Variants in CCDC3 observed in about 807,000 individuals in gnomAD.
The protein encoded by CCDC3 is coiled-coil domain containing 3.
Under a neutral mutation model 21.4 loss-of-function variants are expected in CCDC3, and 24 were observed. The observed-to-expected ratio is 1.12, with a 90% CI of 0.81 to 1.58. The LOEUF is 1.58. Ranked by LOEUF, CCDC3 falls within the 40% of genes most tolerant of loss-of-function variation. The pLI is 0.00. For missense variants in CCDC3, 425 were observed against 360.9 expected (o/e 1.18, Z -1.44); for synonymous variants, 186 against 166.0 (o/e 1.12, Z -0.93).
At chr10:12,985,458 A>G (rs1401912520) in intron 2 of CCDC3, among the ~76,000 whole-genome samples, 3 of 152,234 alleles carry the variant, frequency 2.0e-5, no homozygotes, top group African/African-American at 7.2e-5. Context: ...ACTTATGCCT[A>G]CACAACACTC....
intron 2 of CCDC3, among the ~76,000 whole-genome samples, chr10:12,929,962 T>C (rs565754805): frequency 6.6e-6 from 1 of 152,070 alleles, no homozygotes; most frequent in African/African-American, 2.4e-5. Context: ...TAGAAAAAAA[T>C]TTCTGTTTTT....
At chr10:13,057,815 A>G in intron 4 of CCDC3, 2 of 291,090 alleles carry the variant, frequency 6.9e-6, no homozygotes, top group Non-Finnish European at 6.5e-6. Flanking sequence ...AGGGAGGCGG[A>G]GGTTGCAGTG....
chr10:12,981,702 T>C (rs1835499899), intron 2 of CCDC3, among the ~76,000 whole-genome samples: 1 of 152,200 alleles, frequency 6.6e-6, no homozygotes, highest in South Asian at 2.1e-4. Flanking sequence ...ATCTATGAAG[T>C]AGTCCATGGC....
chr10:13,069,809 T>C (rs754607771), intron 4 of CCDC3, among the ~76,000 whole-genome samples: 29 of 152,256 alleles, frequency 1.9e-4, no homozygotes, highest in Non-Finnish European at 3.4e-4. Flanking sequence ...TATTAAGTTA[T>C]TGTAAACCAC....
chr10:13,080,824 C>T (rs987904928), intron 3 of CCDC3, among the ~76,000 whole-genome samples: 1 of 152,256 alleles, frequency 6.6e-6, no homozygotes, highest in African/African-American at 2.4e-5. Context: ...GACAGCACAG[C>T]CCAGCCCAAG....
chr10:12,924,937 G>A (rs935741997), intron 2 of CCDC3, among the ~76,000 whole-genome samples: 1 of 152,236 alleles, frequency 6.6e-6, no homozygotes, highest in East Asian at 1.9e-4. Flanking sequence ...TTTCTATGGA[G>A]ACTTGCAGCT....
chr10:12,915,356 C>G (rs1458903335), intron 2 of CCDC3, among the ~76,000 whole-genome samples: 2 of 152,068 alleles, frequency 1.3e-5, no homozygotes, highest in Non-Finnish European at 1.5e-5. Flanking sequence ...CATTAAATGT[C>G]TTGTTTGGGT....
Position 12,994,425 on chromosome 10 carries a change from ACACCCAG to A in CCDC3, c.549+3906_549+3912del, listed in dbSNP as rs200207241. 4.6e-3 allele frequency among the ~76,000 whole-genome samples: 692 copies of A among 151,498 alleles called. 8 individuals are homozygous for A. Among genetic ancestry groups the A allele is most frequent in the African/African-American group, 0.015 (633 of 41,122 alleles). ...AAACAAAACAAAACAAAAAAAAAAA[ACACCCAG>A]CACCCAGCACCCAGCACCTAGAAAG... is the stretch of plus-strand genomic sequence containing the variant. On this transcript the variant is annotated intron_variant, in intron 2 of 2. Transcript: ENST00000378825.
At chr10:12,971,906 C>A (rs1446271204) in intron 2 of CCDC3, among the ~76,000 whole-genome samples, 1 of 152,082 alleles carries the variant, frequency 6.6e-6, no homozygotes, top group Non-Finnish European at 1.5e-5. Flanking sequence ...CCAGGCTGGT[C>A]TCAAACTCCT....
At chr10:12,990,903 C>T (rs1444581541) in intron 2 of CCDC3, among the ~76,000 whole-genome samples, 2 of 152,170 alleles carry the variant, frequency 1.3e-5, no homozygotes, top group Admixed American at 6.5e-5. Context: ...TCAGATTCTA[C>T]ATTATAGCAC....
intron 2 of CCDC3, among the ~76,000 whole-genome samples, chr10:12,923,804 T>G (rs554047049): frequency 6.6e-6 from 1 of 152,346 alleles, no homozygotes; most frequent in South Asian, 2.1e-4. Flanking sequence ...ACTTACACTT[T>G]ACAAGTCAAT....
At chr10:12,992,716 G>A (rs77951227) in intron 2 of CCDC3, among the ~76,000 whole-genome samples, 13,390 of 152,160 alleles carry the variant, frequency 0.088, 752 homozygotes, top group Non-Finnish European at 0.12. Flanking sequence ...CACTGCTCAC[G>A]AGATGGGTGC....
chr10:13,091,155 A>C (rs1407822095), intron 3 of CCDC3, among the ~76,000 whole-genome samples: 1 of 152,194 alleles, frequency 6.6e-6, no homozygotes, highest in African/African-American at 2.4e-5. Flanking sequence ...GTGCCCACCC[A>C]GATTGAGGGT....
chr10:12,943,570 C>T (rs575617740), intron 2 of CCDC3, among the ~76,000 whole-genome samples: 44 of 152,096 alleles, frequency 2.9e-4, no homozygotes, highest in African/African-American at 7.7e-4. Flanking sequence ...TTTTCTTTGT[C>T]GCCACATGTG....
intron 5 of CCDC3, among the ~76,000 whole-genome samples, chr10:13,040,700 C>CAG (rs1218375357): frequency 6.6e-6 from 1 of 151,274 alleles, no homozygotes; most frequent in Non-Finnish European, 1.5e-5. Flanking sequence ...CACACACACA[C>CAG]ACACACACAC....
chr10:12,949,149 C>T (rs2131246393), intron 2 of CCDC3, among the ~76,000 whole-genome samples: 1 of 152,268 alleles, frequency 6.6e-6, no homozygotes, highest in Non-Finnish European at 1.5e-5. Context: ...GAGCCAGACA[C>T]AACTGCCAGT....
intron 2 of CCDC3, among the ~76,000 whole-genome samples, chr10:12,918,340 G>T (rs1834390639): frequency 6.6e-6 from 1 of 152,180 alleles, no homozygotes; most frequent in Admixed American, 6.5e-5. Flanking sequence ...TTAAAATATA[G>T]TATGAAACCT....
intron 2 of CCDC3, among the ~76,000 whole-genome samples, chr10:12,909,051 C>T (rs1834222717): frequency 6.6e-6 from 1 of 152,210 alleles, no homozygotes; most frequent in Non-Finnish European, 1.5e-5. Flanking sequence ...CTCCATCTTC[C>T]TGGTATCCTT....
intron 2 of CCDC3, among the ~76,000 whole-genome samples, chr10:12,924,513 T>C (rs1834503322): frequency 6.6e-6 from 1 of 152,228 alleles, no homozygotes; most frequent in Non-Finnish European, 1.5e-5. Flanking sequence ...ACTCTAATGA[T>C]TCTGAGAATA....
Sources: allele counts gnomAD v4.1 joint callset (sites outside exome capture counted in the v4.1 genomes callset), GRCh38; gene constraint gnomAD v4.1.1; transcripts MANE v1.5; gene names NCBI Gene and HGNC (gene_info 2026-07-23, HGNC 2026-07-21).